The following SDK1 variants were observed in gnomAD, a reference collection of about 807,000 sequenced individuals.
The protein encoded by SDK1 is sidekick cell adhesion molecule 1.
SDK1 carries 157 observed loss-of-function variants against 245.5 expected under a neutral mutation model. The observed-to-expected ratio is 0.64, with a 90% confidence interval of 0.56 to 0.73. SDK1 has a LOEUF of 0.73. SDK1 is among the 30% of genes least tolerant of loss of function. The probability of loss-of-function intolerance (pLI) is 0.00; values close to 1 mark genes in which losing one functional copy is unlikely to be tolerated. For missense variants in SDK1, 3,583 were observed against 3,002.3 expected (o/e 1.19, Z -4.52); for synonymous variants, 1,647 against 1,278.5 (o/e 1.29, Z -6.15).
chr7:3,572,251 C>G (rs1014563008), intron 1 of SDK1, among the ~76,000 whole-genome samples: 2 of 151,956 alleles, frequency 1.3e-5, no homozygotes, highest in African/African-American at 4.8e-5. Flanking sequence ...CTTTGTCAGA[C>G]CTTTAGTTTG....
At chr7:3,932,856 G>T (rs2128118130) in intron 5 of SDK1, among the ~76,000 whole-genome samples, 1 of 152,250 alleles carries the variant, frequency 6.6e-6, no homozygotes, top group Non-Finnish European at 1.5e-5. Flanking sequence ...ACCCCCAAAA[G>T]AAGCCAACAC....
At chr7:3,403,855 A>AT (rs1416266614) in intron 1 of SDK1, among the ~76,000 whole-genome samples, 3 of 91,720 alleles carry the variant, frequency 3.3e-5, no homozygotes, top group African/African-American at 1.7e-4. Flanking sequence ...ATATATATAT[A>AT]TATATATATA....
At chr7:3,360,110 G>A (rs1206994938) in intron 1 of SDK1, among the ~76,000 whole-genome samples, 1 of 152,210 alleles carries the variant, frequency 6.6e-6, no homozygotes, top group Non-Finnish European at 1.5e-5. Context: ...ATGGCCTTCA[G>A]CATTCTTAGA....
At chr7:3,474,548 G>A (rs1426582980) in intron 1 of SDK1, among the ~76,000 whole-genome samples, 3 of 151,892 alleles carry the variant, frequency 2.0e-5, no homozygotes, top group Non-Finnish European at 2.9e-5. Flanking sequence ...CACATTGGAC[G>A]TTTACCTCTC....
At chr7:3,904,609 G>A (rs1200378167) in intron 5 of SDK1, among the ~76,000 whole-genome samples, 1 of 152,122 alleles carries the variant, frequency 6.6e-6, no homozygotes, top group African/African-American at 2.4e-5. Context: ...GTGGAGGATG[G>A]CTTCAGCCCG....
chr7:3,891,156 A>G (rs1200028848), intron 5 of SDK1, among the ~76,000 whole-genome samples: 1 of 152,148 alleles, frequency 6.6e-6, no homozygotes. Flanking sequence ...TTCCACTGGG[A>G]AAGAGGATGG....
intron 35 of SDK1, among the ~76,000 whole-genome samples, chr7:4,200,853 A>G (rs1233884003): frequency 6.6e-6 from 1 of 152,268 alleles, no homozygotes; most frequent in Non-Finnish European, 1.5e-5. Context: ...CTCAGGGGCC[A>G]AATCCAGCCC....
intron 4 of SDK1, among the ~76,000 whole-genome samples, chr7:3,757,795 G>A (rs1206250824): frequency 2.0e-5 from 3 of 152,132 alleles, no homozygotes; most frequent in Admixed American, 6.5e-5. Flanking sequence ...CTAGGTGATT[G>A]AACTCAACCT....
chr7:3,965,502 T>G (rs1251675882), intron 9 of SDK1, among the ~76,000 whole-genome samples: 1 of 151,900 alleles, frequency 6.6e-6, no homozygotes, highest in Non-Finnish European at 1.5e-5. Context: ...GCAAAATGAG[T>G]TTTTTAATTA....
chr7:3,378,824 C>A (rs7782421), intron 1 of SDK1, among the ~76,000 whole-genome samples: 1 of 147,580 alleles, frequency 6.8e-6, no homozygotes, highest in African/African-American at 2.5e-5. Context: ...GGGGGGCCGG[C>A]GGGGTGGGCT....
At chr7:3,584,604 A>G (rs1436410801) in intron 1 of SDK1, among the ~76,000 whole-genome samples, 2 of 152,132 alleles carry the variant, frequency 1.3e-5, no homozygotes, top group Non-Finnish European at 2.9e-5. Context: ...GACTGCTCCA[A>G]GGTATGCTGG....
chr7:4,096,489 A>G (rs1470142061), intron 22 of SDK1, among the ~76,000 whole-genome samples: 2 of 152,150 alleles, frequency 1.3e-5, no homozygotes, highest in Non-Finnish European at 2.9e-5. Flanking sequence ...CTATACCGGG[A>G]TGGGTCGTGG....
At chr7:4,001,612 A>C (rs1185146766) in intron 14 of SDK1, among the ~76,000 whole-genome samples, 3 of 152,210 alleles carry the variant, frequency 2.0e-5, no homozygotes, top group African/African-American at 7.2e-5. Flanking sequence ...TTAAGACAAA[A>C]ACTTGGTGCA....
At chr7:4,181,541 C>T (rs907313047) in intron 35 of SDK1, among the ~76,000 whole-genome samples, 1 of 152,110 alleles carries the variant, frequency 6.6e-6, no homozygotes, top group Non-Finnish European at 1.5e-5. Context: ...CCCACTGGGC[C>T]CCCATCTCCC....
At chr7:3,752,868 C>T (rs1041524274) in intron 4 of SDK1, among the ~76,000 whole-genome samples, 1 of 152,178 alleles carries the variant, frequency 6.6e-6, no homozygotes, top group Non-Finnish European at 1.5e-5. Context: ...TTAACACAGT[C>T]TTGGAAATAC....
intron 17 of SDK1, among the ~76,000 whole-genome samples, chr7:4,046,069 C>T (rs891905880): frequency 2.6e-5 from 4 of 152,056 alleles, no homozygotes; most frequent in Admixed American, 6.6e-5. Flanking sequence ...GCAGGGACTA[C>T]AGGCATGCAC....
intron 4 of SDK1, among the ~76,000 whole-genome samples, chr7:3,658,582 C>A (rs145040681): frequency 6.7e-6 from 1 of 149,762 alleles, no homozygotes; most frequent in African/African-American, 2.5e-5. Flanking sequence ...TATATTCACA[C>A]GGTAGTAGAG....
rs149106600 is a variant in SDK1 at position 3,726,454 on chromosome 7, A to G, written c.713+84349A>G. Reference sequence around the variant, plus strand: ...GTCTTATGGCAAATTTTGAGGCCCAACTCTCACCCTTTTGCATGTTTTCCT... The same window carrying G: ...GTCTTATGGCAAATTTTGAGGCCCAGCTCTCACCCTTTTGCATGTTTTCCT... On this transcript the variant is annotated intron_variant, in intron 4 of 44. Coordinates refer to ENST00000404826, the MANE Select transcript of SDK1 (RefSeq NM_152744.4). Among the ~76,000 whole-genome samples the G allele has an allele frequency of 1.1e-3, 161 of 151,852 alleles. 1 individual carries two copies. The highest frequency in any genetic ancestry group is 3.7e-3 in the African/African-American group (153 of 41,388).
chr7:3,536,007 C>CT (rs1397054763), intron 1 of SDK1, among the ~76,000 whole-genome samples: 1 of 151,608 alleles, frequency 6.6e-6, no homozygotes, highest in Non-Finnish European at 1.5e-5. Context: ...ATTTTTTTAT[C>CT]TTTTTTTAAA....
Sources: allele counts gnomAD v4.1 joint callset (sites outside exome capture counted in the v4.1 genomes callset), GRCh38; gene constraint gnomAD v4.1.1; transcripts MANE v1.5; gene names NCBI Gene and HGNC (gene_info 2026-07-23, HGNC 2026-07-21).